The following SCN3A variants were observed in gnomAD, a reference collection of about 807,000 sequenced individuals.
SCN3A encodes sodium voltage-gated channel alpha subunit 3.
A neutral mutation model predicts 187.6 loss-of-function variants in SCN3A; 60 were observed. That is an observed-to-expected ratio of 0.32 (90% confidence interval 0.26 to 0.40). The LOEUF (loss-of-function observed/expected upper bound fraction) is 0.40. SCN3A is among the 10% of genes least tolerant of loss of function. The probability of loss-of-function intolerance (pLI) is 1.00; values close to 1 mark genes in which losing one functional copy is unlikely to be tolerated. For missense variants in SCN3A, 1,601 were observed against 2,428.2 expected, an observed-to-expected ratio of 0.66 and a Z score of 7.16; for synonymous variants, 788 against 829.2, an observed-to-expected ratio of 0.95 and a Z score of 0.85.
chr2:165,140,941 T>C lies in SCN3A; in HGVS notation c.1729A>G (p.Ile577Val), dbSNP rs1687976305. The change falls in exon 13 of 28, where the codon ATT becomes GTT. Residue 577 changes from isoleucine (I) to valine (V), a missense_variant. Ile to Val is a conservative substitution (Grantham distance 29). Coordinates refer to ENST00000283254, the MANE Select transcript of SCN3A (RefSeq NM_006922.4). This position sits in a 1 kb window ranked among gnomAD's most constrained non-coding sequence, Gnocchi z 4.2. ...TTTGCCCGACCTCTGAAACTGAAAA[T>C]GCTTGTTTTGCTATTGCGTCTTGGG... ...FSPRRNSKTS[I>V]FSFRGRAKDV... The C allele has an allele frequency of 1.2e-6, 2 of 1,614,046 alleles. No homozygotes were observed. Among genetic ancestry groups the C allele is most frequent in the Admixed American group, 3.3e-5 (2 of 59,996 alleles).
chr2:165,171,082 GGA>G (rs921078241), intron 3 of SCN3A, among the ~76,000 whole-genome samples: 2 of 151,932 alleles, frequency 1.3e-5, no homozygotes, highest in African/African-American at 4.8e-5. Context: ...GAAGAGAGAT[GGA>G]TGCATTGAAA....
At chr2:165,192,537 A>G (rs1691678977) in intron 1 of SCN3A, among the ~76,000 whole-genome samples, 2 of 152,140 alleles carry the variant, frequency 1.3e-5, no homozygotes, top group African/African-American at 4.8e-5. Context: ...ATCAAATTCT[A>G]TAATTTTTTC....
intron 7 of SCN3A, 90 bp downstream of exon 7, chr2:165,163,528 A>G: frequency 7.0e-7 from 1 of 1,421,306 alleles, no homozygotes. Context: ...GAACTGTAAT[A>G]ATAAGCAACA....
chr2:165,189,242 G>C (rs1416929086), intron 1 of SCN3A, among the ~76,000 whole-genome samples: 1 of 152,192 alleles, frequency 6.6e-6, no homozygotes, highest in Non-Finnish European at 1.5e-5. Flanking sequence ...GAGGCAACAT[G>C]CTCAACAGAC....
At chr2:165,163,137 C>T (rs532159425) in intron 7 of SCN3A, among the ~76,000 whole-genome samples, 3 of 152,236 alleles carry the variant, frequency 2.0e-5, no homozygotes, top group African/African-American at 4.8e-5. Flanking sequence ...GTGTTTCATG[C>T]AGCCATTTTC....
intron 21 of SCN3A, among the ~76,000 whole-genome samples, chr2:165,105,694 T>A (rs1685817321): frequency 6.6e-6 from 1 of 152,060 alleles, no homozygotes; most frequent in Non-Finnish European, 1.5e-5. Flanking sequence ...CTCTATGCAA[T>A]CTCAGTCAGA....
chr2:165,119,493 A>G (rs1441316291), intron 18 of SCN3A, among the ~76,000 whole-genome samples: 3 of 152,184 alleles, frequency 2.0e-5, no homozygotes, highest in African/African-American at 7.2e-5. Context: ...TACACCCTGA[A>G]AAACTATATA....
chr2:165,100,362 T>C lies in SCN3A; in HGVS notation c.3906A>G (p.Ser1302=). Residue 1302 remains serine, a synonymous_variant, in exon 22 of 28, where the codon TCA becomes TCG. Coordinates refer to ENST00000283254, the MANE Select transcript of SCN3A (RefSeq NM_006922.4). ...LGYSELGAIK[S]LRTLRALRPL... ...GTCTTAAAGCTCTTAATGTCCGTAA[T>C]GATTTGATGGCACCGAGTTCTGAGT... 1 of 1,614,016 alleles carries C rather than the reference T, an allele frequency of 6.2e-7. No individual in the cohort carries two copies. The highest frequency in any genetic ancestry group is 8.5e-7 in the Non-Finnish European group (1 of 1,179,912).
intron 21 of SCN3A, among the ~76,000 whole-genome samples, chr2:165,111,246 A>T (rs946237515): frequency 6.6e-6 from 1 of 152,164 alleles, no homozygotes; most frequent in Non-Finnish European, 1.5e-5. Flanking sequence ...GAGGCAGGAG[A>T]ATCACTTGAA....
chr2:165,114,511 C>G (rs1045007746), intron 19 of SCN3A, among the ~76,000 whole-genome samples: 6 of 152,192 alleles, frequency 3.9e-5, no homozygotes, highest in African/African-American at 1.4e-4. Flanking sequence ...TGTCCTCCCC[C>G]TCCTAGCTTT....
chr2:165,187,128 A>T (rs1691293389), intron 1 of SCN3A, among the ~76,000 whole-genome samples: 1 of 152,076 alleles, frequency 6.6e-6, no homozygotes, highest in African/African-American at 2.4e-5. Flanking sequence ...AACATCTCAA[A>T]GACCAAAGAG....
In SCN3A at chr2:165,162,753, C is replaced by T. The variant is rs1251382113; in HGVS notation, c.770G>A (p.Cys257Tyr). Residue 257 changes from cysteine (C) to tyrosine (Y), a missense_variant, in exon 8 of 28, where the codon TGT becomes TAT. By Grantham distance (194) the Cys-to-Tyr change is radical. Around this residue, in one of 11 missense-constraint regions of SCN3A, gnomAD observed 104 missense variants for 102.7 expected, o/e 1.01. Coordinates refer to ENST00000283254, the MANE Select transcript of SCN3A (RefSeq NM_006922.4). ...CCCAATGAGAGCAAACACGCTCAGA[C>T]AGAACACAGTCAGGATCATCACATC... ...LSDVMILTVF[C>Y]LSVFALIGLQ... 1.2e-6 allele frequency: 2 copies of T among 1,614,114 alleles called. No homozygotes were observed. The highest frequency in any genetic ancestry group is 1.1e-5 in the South Asian group (1 of 91,090).
At chr2:165,143,451 T>C (rs570458793) in intron 12 of SCN3A, among the ~76,000 whole-genome samples, 2 of 152,338 alleles carry the variant, frequency 1.3e-5, no homozygotes, top group Admixed American at 1.3e-4. Flanking sequence ...TCCAGATCTC[T>C]GAGTTTATTT....
chr2:165,147,047 C>T lies in SCN3A; in HGVS notation c.1381-18G>A, dbSNP rs771884891. The T allele has an allele frequency of 5.6e-6, 9 of 1,613,588 alleles. No homozygotes were observed. In the Admixed American group the frequency reaches 1.0e-4, roughly 18 times the overall value. On this transcript the variant is annotated intron_variant, in intron 11 of 27. Coordinates refer to ENST00000283254, the MANE Select transcript of SCN3A (RefSeq NM_006922.4). ...GCAACTGCCTGTCATAAAACAAAGC[C>T]AGGCACTATTTAGAACACAGAGCTT...
chr2:165,190,895 CG>C (rs1339692822), intron 1 of SCN3A, among the ~76,000 whole-genome samples: 3 of 151,824 alleles, frequency 2.0e-5, no homozygotes, highest in Non-Finnish European at 4.4e-5. Flanking sequence ...TCAGAATCAC[CG>C]GGCTAACTTC....
In SCN3A at chr2:165,162,608, A is replaced by G; in HGVS notation, c.915T>C (p.Phe305=). ...TAAATGTGCTCATTGTTACATTAAC[A>G]AATGTCCCATTTGAATCCATTGTGC... The part of the protein sequence containing the change: ...FNGTMDSNGT[F]VNVTMSTFNW... The change falls in exon 8 of 28, where the codon TTT becomes TTC. Residue 305 remains phenylalanine, a synonymous_variant. Transcript: ENST00000283254. 1 of 1,614,184 alleles carries G rather than the reference A, an allele frequency of 6.2e-7. No individual in the cohort carries two copies. Among genetic ancestry groups the G allele is most frequent in the Non-Finnish European group, 8.5e-7 (1 of 1,180,008 alleles).
At chr2:165,134,012 C>T (rs1687513835) in intron 15 of SCN3A, among the ~76,000 whole-genome samples, 1 of 151,920 alleles carries the variant, frequency 6.6e-6, no homozygotes, top group Non-Finnish European at 1.5e-5. Context: ...GTAAGTTTGC[C>T]ACAAATTGTT....
At chr2:165,173,840 G>A (rs1462012782) in intron 3 of SCN3A, among the ~76,000 whole-genome samples, 4 of 152,126 alleles carry the variant, frequency 2.6e-5, no homozygotes, top group South Asian at 4.2e-4. Flanking sequence ...CTTCATAAAC[G>A]AAAGCAGTGC....
chr2:165,144,127 A>C (rs1982208), intron 12 of SCN3A, among the ~76,000 whole-genome samples: 32,410 of 152,114 alleles, frequency 0.21, 3,447 homozygotes, highest in East Asian at 0.31. Flanking sequence ...TGATTTGAGC[A>C]GTATTTACTG....
Sources: gnomAD v4.1 joint callset for allele counts (sites outside exome capture counted in the v4.1 genomes callset) on GRCh38, gnomAD v4.1.1 for gene constraint, gnomAD v4.1.1 regional missense constraint, Gnocchi (gnomAD v3.1) non-coding constraint, MANE v1.5 for transcripts, NCBI Gene and HGNC (gene_info 2026-07-23, HGNC 2026-07-21) for gene names.